The following KSR1 variants were observed in gnomAD, a reference collection of about 807,000 sequenced individuals.
The protein encoded by KSR1 is kinase suppressor of ras.
Under a neutral mutation model 92.9 loss-of-function variants are expected in KSR1, and 35 were observed. The ratio of observed to expected loss-of-function variants is 0.38; its 90% CI spans 0.29 to 0.50. The LOEUF is 0.50. Among genes scored for constraint, KSR1 ranks in the 20% least tolerant of loss-of-function variants. KSR1 has a pLI of 0.94. For missense variants in KSR1, 972 were observed against 1,158.5 expected (o/e 0.84, Z 2.34); for synonymous variants, 467 against 472.6 (o/e 0.99, Z 0.15).
intron 1 of KSR1, among the ~76,000 whole-genome samples, chr17:27,503,049 C>G (rs1186172990): frequency 1.3e-5 from 2 of 152,182 alleles, no homozygotes; most frequent in Admixed American, 6.5e-5. Context: ...TCACAACGAC[C>G]CTTTGAGGTG....
intron 1 of KSR1, among the ~76,000 whole-genome samples, chr17:27,517,418 C>T (rs2069844025): frequency 6.6e-6 from 1 of 152,034 alleles, no homozygotes; most frequent in African/African-American, 2.4e-5. Context: ...CTGCAACATC[C>T]ACCCCCTGGG....
At chr17:27,610,696 T>G (rs1306137965) in intron 17 of KSR1, among the ~76,000 whole-genome samples, 2 of 152,270 alleles carry the variant, frequency 1.3e-5, no homozygotes, top group African/African-American at 2.4e-5. Flanking sequence ...TAGTTTCCCC[T>G]GTTTATGTTT....
intron 20 of KSR1, chr17:27,623,028 G>A: frequency 2.1e-6 from 1 of 481,740 alleles, no homozygotes. Context: ...CTGCAAATGA[G>A]AAAACAATTC....
chr17:27,622,530 A>C (rs2074254113), intron 20 of KSR1: 2 of 152,850 alleles, frequency 1.3e-5, no homozygotes, highest in African/African-American at 4.8e-5. Context: ...CAGAAGACAC[A>C]GAAAGTTCTG....
In KSR1 at chr17:27,577,750, C is replaced by A; in HGVS notation, c.520+111C>A. ...CAAGCGTGGCCCAGGGTTTCTGGGG[C>A]AGCCTGGAAAGGCCAGGGTTGGATG... On this transcript the variant is annotated intron_variant, in intron 3 of 20. Transcript: ENST00000644974. The surrounding 1 kb of genome is among the most constrained non-coding windows in gnomAD (Gnocchi z 4.5). The A allele has an allele frequency of 1.1e-6, 1 of 943,544 alleles. No individual in the cohort carries two copies. The highest frequency in any genetic ancestry group is 1.6e-6 in the Non-Finnish European group (1 of 606,136). The allele number at this position is 943,544 out of a possible 1,614,324, so 58.4% of individuals were successfully genotyped here. A position where few individuals can be genotyped will look rare whatever the true frequency, so the allele number is the denominator to read the frequency against.
intron 2 of KSR1, among the ~76,000 whole-genome samples, chr17:27,570,607 C>T (rs577268631): frequency 1.2e-3 from 180 of 152,362 alleles, no homozygotes; most frequent in African/African-American, 3.9e-3. Flanking sequence ...CAGCTCCCTA[C>T]TGTGAGCCCC....
chr17:27,549,237 TG>T (rs907873546), intron 1 of KSR1, among the ~76,000 whole-genome samples: 29 of 152,310 alleles, frequency 1.9e-4, no homozygotes, highest in African/African-American at 6.3e-4. Flanking sequence ...GTACTTATTT[TG>T]GGGGGACACT....
intron 1 of KSR1, chr17:27,465,313 T>C (rs1398772556): frequency 6.6e-6 from 1 of 152,218 alleles, no homozygotes; most frequent in African/African-American, 2.4e-5. Context: ...GAAGCTGAAG[T>C]CAGCCTACCT....
chr17:27,591,841 A>T (rs562103745), intron 7 of KSR1, among the ~76,000 whole-genome samples: 1 of 152,270 alleles, frequency 6.6e-6, no homozygotes, highest in Admixed American at 6.5e-5. Flanking sequence ...GAAATCTAAG[A>T]CTCAGTGCAG....
chr17:27,463,910 G>C (rs565212626), intron 1 of KSR1, among the ~76,000 whole-genome samples: 1 of 152,280 alleles, frequency 6.6e-6, no homozygotes, highest in East Asian at 1.9e-4. Context: ...AAAGGGTCTT[G>C]GAATTTCCAT....
intron 17 of KSR1, chr17:27,611,218 G>A: frequency 2.3e-6 from 1 of 428,356 alleles, no homozygotes; most frequent in South Asian, 3.3e-5. Flanking sequence ...GCTAGAAGGT[G>A]GCAGAGCTGG....
intron 1 of KSR1, chr17:27,526,753 T>C (rs2070318324): frequency 1.7e-6 from 2 of 1,211,024 alleles, no homozygotes; most frequent in South Asian, 1.3e-5. Flanking sequence ...GTATGAACTC[T>C]TTCTCATCAT....
intron 18 of KSR1, 63 bp from the exon 19 acceptor site, chr17:27,617,232 C>G (rs562269606): frequency 1.9e-6 from 3 of 1,542,862 alleles, no homozygotes; most frequent in African/African-American, 1.4e-5. Flanking sequence ...GTGGAGCACC[C>G]CTACTGTGTG....
At chr17:27,524,570 C>T (rs1433010028) in intron 1 of KSR1, among the ~76,000 whole-genome samples, 1 of 152,196 alleles carries the variant, frequency 6.6e-6, no homozygotes, top group African/African-American at 2.4e-5. Flanking sequence ...CAAGTACAGG[C>T]CGGTGGCCTC....
At chr17:27,457,790 A>T (rs886406979) in intron 1 of KSR1, among the ~76,000 whole-genome samples, 2 of 152,138 alleles carry the variant, frequency 1.3e-5, no homozygotes, top group African/African-American at 4.8e-5. Flanking sequence ...CAGACCAGTT[A>T]ATAGCTGCCC....
intron 2 of KSR1, among the ~76,000 whole-genome samples, chr17:27,564,395 C>T (rs1331681159): frequency 6.6e-6 from 1 of 152,202 alleles, no homozygotes; most frequent in Non-Finnish European, 1.5e-5. Context: ...AAGTTATATT[C>T]TTCTATTCCT....
At chr17:27,508,858 T>C (rs1002075222) in intron 1 of KSR1, among the ~76,000 whole-genome samples, 6 of 151,926 alleles carry the variant, frequency 3.9e-5, no homozygotes, top group Non-Finnish European at 7.4e-5. Flanking sequence ...GCCACCCAAG[T>C]AGCTGGGATT....
intron 2 of KSR1, among the ~76,000 whole-genome samples, chr17:27,564,789 G>A (rs2071996877): frequency 6.9e-6 from 1 of 144,584 alleles, no homozygotes. Context: ...TGGGTTCTTG[G>A]AGGAAAGACA....
At position 27,456,617 on chromosome 17, in the gene KSR1, C is replaced by G; in HGVS notation, c.-27C>G. On this transcript the variant is annotated 5_prime_UTR_variant, in exon 1 of 21. Transcript: ENST00000644974. Reference sequence around the variant, plus strand: ...CGCCCGCGCCCCGGGCTCCCAGCCTCGGCCGCCGCGGCCCCGATGCCGAGG... The same window carrying G: ...CGCCCGCGCCCCGGGCTCCCAGCCTGGGCCGCCGCGGCCCCGATGCCGAGG... The G allele has an allele frequency of 2.1e-6, 1 of 477,342 alleles. No homozygotes were observed. The highest frequency in any genetic ancestry group is 3.6e-6 in the Non-Finnish European group (1 of 277,020). The allele number at this position is 477,342 out of a possible 1,614,324, so 29.6% of individuals were successfully genotyped here.
Sources: allele counts gnomAD v4.1 joint callset (sites outside exome capture counted in the v4.1 genomes callset), GRCh38; gene constraint gnomAD v4.1.1; non-coding constraint Gnocchi (gnomAD v3.1); transcripts MANE v1.5; gene names NCBI Gene and HGNC (gene_info 2026-07-23, HGNC 2026-07-21).